SAMD5: variants seen among roughly 807,000 people sequenced by gnomAD.
SAMD5 encodes the protein sterile alpha motif domain containing 5.
A neutral mutation model predicts 11.3 loss-of-function variants in SAMD5; 13 were observed. The ratio of observed to expected loss-of-function variants is 1.15; its 90% CI spans 0.75 to 1.83. The LOEUF (loss-of-function observed/expected upper bound fraction) is 1.83. Among genes scored for constraint, SAMD5 ranks in the 40% most tolerant of loss-of-function variants. The pLI, the probability that SAMD5 is intolerant of heterozygous loss-of-function variation, is 0.00. For synonymous variants in SAMD5, 129 were observed against 111.3 expected, an observed-to-expected ratio of 1.16 and a Z score of -1.00; for missense variants, 255 against 239.1, an observed-to-expected ratio of 1.07 and a Z score of -0.44.
chr6:147,853,981 C>T, the SAMD5 span, among the ~76,000 whole-genome samples: 1 of 152,252 alleles, frequency 6.6e-6, no homozygotes, highest in East Asian at 1.9e-4. Flanking sequence ...CTTAAAAATA[C>T]TCATTAAGAA....
chr6:147,856,830 G>GA, the SAMD5 span, among the ~76,000 whole-genome samples: 4 of 145,224 alleles, frequency 2.8e-5, no homozygotes, highest in Non-Finnish European at 4.5e-5. Context: ...GCGGGGGGGG[G>GA]GGGAAGCTTG....
intron 1 of SAMD5, among the ~76,000 whole-genome samples, chr6:147,673,503 G>A (rs192021673): frequency 7.2e-5 from 11 of 152,108 alleles, no homozygotes; most frequent in Admixed American, 5.2e-4. Flanking sequence ...GTGAGCCACC[G>A]CACCCCGCCA....
the SAMD5 span, among the ~76,000 whole-genome samples, chr6:147,851,051 A>G: frequency 6.8e-6 from 1 of 147,602 alleles, no homozygotes; most frequent in Non-Finnish European, 1.5e-5. Flanking sequence ...GATTCAAGGG[A>G]TTCTCCTACC....
At chr6:147,919,159 T>C in the SAMD5 span, among the ~76,000 whole-genome samples, 10 of 152,156 alleles carry the variant, frequency 6.6e-5, no homozygotes, top group Non-Finnish European at 1.3e-4. Context: ...AATTGTCTCA[T>C]TGGTCAAGGA....
chr6:147,840,979 G>A, the SAMD5 span, among the ~76,000 whole-genome samples: 594 of 152,194 alleles, frequency 3.9e-3, 3 homozygotes, highest in African/African-American at 0.013. Flanking sequence ...AATAACAGTT[G>A]GAAATTTGAA....
At chr6:147,735,436 A>G (rs570785792) in intron 1 of SAMD5, among the ~76,000 whole-genome samples, 2 of 152,310 alleles carry the variant, frequency 1.3e-5, no homozygotes, top group African/African-American at 4.8e-5. Flanking sequence ...CTGAGAACTC[A>G]TCTCAAAGCC....
At chr6:147,509,964 C>T (rs766926296) in intron 1 of SAMD5, among the ~76,000 whole-genome samples, 1 of 152,176 alleles carries the variant, frequency 6.6e-6, no homozygotes, top group Non-Finnish European at 1.5e-5. Context: ...GAAGGAAGCA[C>T]GTGTCAGTCC....
chr6:147,613,398 C>T (rs1789816001), intron 1 of SAMD5, among the ~76,000 whole-genome samples: 1 of 151,852 alleles, frequency 6.6e-6, no homozygotes, highest in East Asian at 1.9e-4. Flanking sequence ...AAACTTCTGG[C>T]CCCCTTTCTG....
At chr6:147,690,569 A>T (rs1791086492) in intron 1 of SAMD5, among the ~76,000 whole-genome samples, 1 of 152,158 alleles carries the variant, frequency 6.6e-6, no homozygotes, top group Admixed American at 6.5e-5. Flanking sequence ...GAATCACTGG[A>T]ACCCAGGAGG....
chr6:147,656,992 C>G (rs986687179), intron 1 of SAMD5, among the ~76,000 whole-genome samples: 12 of 151,032 alleles, frequency 7.9e-5, no homozygotes, highest in African/African-American at 2.9e-4. Flanking sequence ...ATGTTGGAAA[C>G]TACTTGAATG....
At chr6:147,923,479 AT>A in the SAMD5 span, among the ~76,000 whole-genome samples, 1 of 152,168 alleles carries the variant, frequency 6.6e-6, no homozygotes, top group South Asian at 2.1e-4. Context: ...ACTTAGATGA[AT>A]TTTTTTAATG....
rs938444519 is a variant in SAMD5, at chr6:147,568,110, TGA to T, written c.*3655_*3656del. The T allele has an allele frequency of 1.1e-5, 11 of 985,426 alleles. No individual in the cohort carries two copies. The highest frequency in any genetic ancestry group is 1.3e-5 in the Non-Finnish European group (11 of 829,930). The allele number at this position is 985,426 out of a possible 1,614,324, so 61.0% of individuals were successfully genotyped here. On this transcript the variant is annotated 3_prime_UTR_variant, in exon 2 of 2. Coordinates refer to ENST00000367474, the MANE Select transcript of SAMD5 (RefSeq NM_001030060.3). ...ATATGTATATTTTCCTCTGATTTTATGACTGATTTACAAATTAGGAGTGCAAA... is the reference window on the plus strand; with the variant it reads ...ATATGTATATTTTCCTCTGATTTTATCTGATTTACAAATTAGGAGTGCAAA...
rs954741400 is a variant in SAMD5 at position 147,714,555 on chromosome 6, A to G, written c.163-22762A>G. Among the ~76,000 whole-genome samples the G allele has an allele frequency of 4.9e-4, 75 of 152,306 alleles. 1 individual carries two copies. The highest frequency in any genetic ancestry group is 1.5e-3 in the African/African-American group (61 of 41,562). On this transcript the variant is annotated intron_variant, in intron 1 of 1. Transcript: ENST00000566741. The stretch of plus-strand genomic sequence containing the variant: ...ATTGCTTTTCTGTTTCTAAACATAT[A>G]TTAGAGACTAAATGGTTAGGAAAAG...
the SAMD5 span, among the ~76,000 whole-genome samples, chr6:147,917,706 C>A: frequency 7.2e-5 from 11 of 152,292 alleles, no homozygotes; most frequent in Non-Finnish European, 1.3e-4. Context: ...ACATTTAAGT[C>A]TTTAGTCCAT....
chr6:147,727,484 G>A (rs1455694627), intron 1 of SAMD5, among the ~76,000 whole-genome samples: 2 of 152,178 alleles, frequency 1.3e-5, no homozygotes, highest in African/African-American at 2.4e-5. Context: ...AGGAGCAATT[G>A]TATTGCCTTA....
the SAMD5 span, among the ~76,000 whole-genome samples, chr6:147,767,440 T>C: frequency 2.7e-5 from 4 of 150,148 alleles, no homozygotes; most frequent in Non-Finnish European, 5.9e-5. Context: ...CCAAAGGAGA[T>C]GTTATGGACT....
chr6:147,652,470 T>C (rs1790499236), intron 1 of SAMD5, among the ~76,000 whole-genome samples: 1 of 152,202 alleles, frequency 6.6e-6, no homozygotes, highest in Non-Finnish European at 1.5e-5. Flanking sequence ...CTCAAGGACA[T>C]TGAGACACCA....
At chr6:147,894,197 T>C in the SAMD5 span, among the ~76,000 whole-genome samples, 7 of 151,508 alleles carry the variant, frequency 4.6e-5, no homozygotes, top group Non-Finnish European at 1.0e-4. Flanking sequence ...AATCTCCGCT[T>C]ACTGCAACCT....
chr6:147,540,214 T>C (rs180853804), intron 1 of SAMD5, among the ~76,000 whole-genome samples: 3 of 152,000 alleles, frequency 2.0e-5, no homozygotes, highest in African/African-American at 7.2e-5. Flanking sequence ...GTTACATAAG[T>C]AAAAAACCGG....
Sources: allele counts gnomAD v4.1 joint callset (sites outside exome capture counted in the v4.1 genomes callset), GRCh38; gene constraint gnomAD v4.1.1; transcripts MANE v1.5; gene names NCBI Gene and HGNC (gene_info 2026-07-23, HGNC 2026-07-21).